ZC3H13: variants seen among roughly 807,000 people sequenced by gnomAD.
The protein encoded by ZC3H13 is zinc finger CCCH domain-containing protein 13.
A neutral mutation model predicts 204.1 loss-of-function variants in ZC3H13; 64 were observed. The ratio of observed to expected loss-of-function variants is 0.31; its 90% CI spans 0.26 to 0.39. The LOEUF (loss-of-function observed/expected upper bound fraction) is 0.39. Ranked by LOEUF, ZC3H13 falls within the 10% of genes least tolerant of loss-of-function variation. The pLI is 1.00. For missense variants in ZC3H13, 1,833 were observed against 2,082.7 expected, an observed-to-expected ratio of 0.88 and a Z score of 2.33; for synonymous variants, 667 against 693.7, an observed-to-expected ratio of 0.96 and a Z score of 0.60.
intron 17 of ZC3H13, among the ~76,000 whole-genome samples, chr13:45,960,859 A>C (rs947816274): frequency 6.6e-6 from 1 of 152,234 alleles, no homozygotes; most frequent in Non-Finnish European, 1.5e-5. Flanking sequence ...GCTGCAATAC[A>C]TAGCCGATTT....
intron 10 of ZC3H13, among the ~76,000 whole-genome samples, chr13:45,981,319 A>C (rs1953579719): frequency 6.6e-6 from 1 of 152,186 alleles, no homozygotes; most frequent in African/African-American, 2.4e-5. Flanking sequence ...TGAACTCATC[A>C]TTTTTTATGG....
intron 5 of ZC3H13, among the ~76,000 whole-genome samples, chr13:46,015,304 C>T (rs2041844992): frequency 6.6e-6 from 1 of 152,088 alleles, no homozygotes; most frequent in Non-Finnish European, 1.5e-5. Flanking sequence ...CTATCTGATA[C>T]ATATATATTT....
chr13:46,015,370 T>C (rs1354356394), intron 5 of ZC3H13, among the ~76,000 whole-genome samples: 3 of 152,208 alleles, frequency 2.0e-5, no homozygotes, highest in Admixed American at 6.5e-5. Context: ...AAACTCATTA[T>C]ATGTCTATAT....
rs543669794 is a variant in ZC3H13, at chr13:45,976,331, T to A, written c.1913-493A>T. ...AATTTCAGGCCAAAATATATACACA[T>A]CAAAGTGCAGCTATTATGTGAGGAA... On this transcript the variant is annotated intron_variant, in intron 11 of 18. Coordinates refer to ENST00000679008, the MANE Select transcript of ZC3H13 (RefSeq NM_001330564.2). 5.5e-4 allele frequency: 471 copies of A among 853,822 alleles called. 1 individual carries two copies. The highest frequency in any genetic ancestry group is 6.4e-4 in the Non-Finnish European group (453 of 710,014). 52.9% of individuals were successfully genotyped at this position (853,822 alleles called of 1,614,324 possible). A position where few individuals can be genotyped will look rare whatever the true frequency, so the allele number is the denominator to read the frequency against.
intron 4 of ZC3H13, among the ~76,000 whole-genome samples, chr13:46,038,063 A>T (rs1161241779): frequency 6.6e-6 from 1 of 152,180 alleles, no homozygotes; most frequent in Non-Finnish European, 1.5e-5. Context: ...GTCTGGAGGT[A>T]AACTGGTGAG....
intron 8 of ZC3H13, among the ~76,000 whole-genome samples, chr13:46,002,847 C>G (rs1053392269): frequency 6.6e-6 from 1 of 151,996 alleles, no homozygotes; most frequent in Non-Finnish European, 1.5e-5. Flanking sequence ...AATTGTTTCA[C>G]AAGTGTGAAA....
At chr13:46,025,439 G>A (rs1027391108) in intron 4 of ZC3H13, among the ~76,000 whole-genome samples, 16 of 151,880 alleles carry the variant, frequency 1.1e-4, no homozygotes, top group Non-Finnish European at 2.4e-4. Flanking sequence ...CCCACAGCTG[G>A]AACTACTGGT....
chr13:45,997,458 C>A (rs2040422024), intron 8 of ZC3H13, among the ~76,000 whole-genome samples: 1 of 152,090 alleles, frequency 6.6e-6, no homozygotes, highest in African/African-American at 2.4e-5. Context: ...CTCACCAAAA[C>A]ACATACACAG....
At chr13:45,962,170 C>A (rs1951737333) in intron 17 of ZC3H13, 1 of 985,162 alleles carries the variant, frequency 1.0e-6, no homozygotes, top group Admixed American at 6.2e-5. Flanking sequence ...ATAATTAGAC[C>A]TTGGATATGG....
rs748168141 is a variant in ZC3H13 at position 46,045,079 on chromosome 13, T to C, written c.118-15A>G. 6 of 1,570,650 alleles carry C rather than the reference T, an allele frequency of 3.8e-6. No individual in the cohort carries two copies. In the Admixed American group the frequency reaches 1.2e-4, roughly 31 times the overall value. On this transcript the variant is annotated splice_polypyrimidine_tract_variant and intron_variant, in intron 2 of 18. Transcript: ENST00000679008. ...CGGCACTGTGTCTAAGAGACAGATATTACTATGTAAATTTCATATTTATTT... is the reference window on the plus strand; with the variant it reads ...CGGCACTGTGTCTAAGAGACAGATACTACTATGTAAATTTCATATTTATTT...
rs1954081625 is a variant in ZC3H13 at position 45,985,375 on chromosome 13, T to C, written c.1642A>G (p.Arg548Gly). The C allele has an allele frequency of 1.2e-6, 2 of 1,614,144 alleles. No individual in the cohort carries two copies. Among genetic ancestry groups the C allele is most frequent in the Admixed American group, 1.7e-5 (1 of 60,012 alleles). ...CTAATTTCACTTCGAGACTCATTTC[T>C]GGACTCATTCCTTATTTCCGTACGA... ...SSRTEIRNES[R>G]NESRSEIRND... Residue 548 changes from arginine to glycine, a missense_variant, in exon 10 of 19, where the codon AGA becomes GGA. Physicochemically the swap from Arg to Gly is moderately radical, Grantham distance 125 (BLOSUM62 -2). This residue lies in a region of ZC3H13 where 1,574 missense variants were observed against 1,757.2 expected (regional missense o/e 0.90). Transcript: ENST00000679008.
At chr13:46,038,108 G>A (rs981297176) in intron 4 of ZC3H13, among the ~76,000 whole-genome samples, 1 of 152,130 alleles carries the variant, frequency 6.6e-6, no homozygotes, top group Non-Finnish European at 1.5e-5. Flanking sequence ...TTTCTCTATT[G>A]CTAAACTGTG....
At chr13:45,985,175 C>T in intron 10 of ZC3H13, 122 bp downstream of exon 10, 1 of 1,067,912 alleles carries the variant, frequency 9.4e-7, no homozygotes, top group Non-Finnish European at 1.3e-6. Context: ...ACTACAAGTT[C>T]AATTAATTAA....
At chr13:46,006,857 G>A (rs1289992067) in intron 7 of ZC3H13, among the ~76,000 whole-genome samples, 1 of 151,132 alleles carries the variant, frequency 6.6e-6, no homozygotes. Context: ...ATGTAAACAA[G>A]TAGGAAATTA....
chr13:45,980,780 A>G (rs1452127371), intron 10 of ZC3H13, among the ~76,000 whole-genome samples: 1 of 152,176 alleles, frequency 6.6e-6, no homozygotes, highest in African/African-American at 2.4e-5. Flanking sequence ...GTGGCTATAA[A>G]GGGGTAATAA....
At chr13:46,047,707 AGTAAAT>A (rs748724912) in intron 1 of ZC3H13, among the ~76,000 whole-genome samples, 5 of 138,966 alleles carry the variant, frequency 3.6e-5, no homozygotes, top group Non-Finnish European at 8.3e-5. Flanking sequence ...TTCAATAATA[AGTAAAT>A]GTATCACAAT....
chr13:46,035,494 G>A (rs557893386), intron 4 of ZC3H13, among the ~76,000 whole-genome samples: 3 of 152,198 alleles, frequency 2.0e-5, no homozygotes, highest in South Asian at 4.2e-4. Context: ...TAGCTATGTT[G>A]GAAAATCACC....
At chr13:45,973,438 A>C (rs529428622) in intron 12 of ZC3H13, among the ~76,000 whole-genome samples, 1 of 152,290 alleles carries the variant, frequency 6.6e-6, no homozygotes, top group Admixed American at 6.5e-5. Flanking sequence ...AACCATGAAA[A>C]ACCAGAAAAA....
In ZC3H13 at chr13:46,038,399, A is replaced by G. The variant is rs144489178; in HGVS notation, c.339+3765T>C. The stretch of plus-strand genomic sequence containing the variant: ...TCTCTCCATTGTGCATTTTGCTCGT[A>G]TCTTTCTGACACACTATCACATGCT... On this transcript the variant is annotated intron_variant, in intron 4 of 18. Transcript: ENST00000679008. Among the ~76,000 whole-genome samples the G allele has an allele frequency of 3.3e-5, 5 of 152,278 alleles. No homozygotes were observed. In the East Asian group the frequency reaches 5.8e-4, roughly 18 times the overall value.
Sources: gnomAD v4.1 joint callset for allele counts (sites outside exome capture counted in the v4.1 genomes callset) on GRCh38, gnomAD v4.1.1 for gene constraint, gnomAD v4.1.1 regional missense constraint, MANE v1.5 for transcripts, NCBI Gene and HGNC (gene_info 2026-07-23, HGNC 2026-07-21) for gene names.